The following NOP2 variants were observed in gnomAD, a reference collection of about 807,000 sequenced individuals.
The protein encoded by NOP2 is 28S rRNA (cytosine(4447)-C(5))-methyltransferase.
NOP2 carries 7 observed loss-of-function variants against 72.7 expected under a neutral mutation model. That is an observed-to-expected ratio of 0.10 (90% CI 0.05 to 0.18). NOP2 has a LOEUF of 0.18. NOP2 is among the 10% of genes least tolerant of loss of function. The pLI is 1.00. For missense variants in NOP2, 954 were observed against 1,014.7 expected, an observed-to-expected ratio of 0.94 and a Z score of 0.81; for synonymous variants, 387 against 388.0, an observed-to-expected ratio of 1.00 and a Z score of 0.03.
chr12:6,568,231 G>A lies in NOP2; in HGVS notation c.-29C>T, dbSNP rs1006289023. 16 of 291,866 alleles carry A rather than the reference G, an allele frequency of 5.5e-5. No homozygotes were observed. Among genetic ancestry groups the A allele is most frequent in the Non-Finnish European group, 1.0e-4 (16 of 155,464 alleles). The allele number at this position is 291,866 out of a possible 1,614,324, so 18.1% of individuals were successfully genotyped here. A position where few individuals can be genotyped will look rare whatever the true frequency, so the allele number is the denominator to read the frequency against. ...CCAGAATGCGGGTTAATGTCCGAGA[G>A]TGCCCTTCGGGCGGCCCTCCACGTG... On this transcript the variant is annotated 5_prime_UTR_variant, in exon 1 of 16. Coordinates refer to ENST00000322166, the MANE Select transcript of NOP2 (RefSeq NM_001258308.2).
chr12:6,566,489 G>A (rs760399840), intron 4 of NOP2, 40 bp downstream of exon 4: 17 of 1,589,808 alleles, frequency 1.1e-5, no homozygotes, highest in Non-Finnish European at 1.4e-5. Flanking sequence ...AGGACCCAAA[G>A]GGACTCCTCA....
chr12:6,568,147 C>A (rs1947837681), intron 1 of NOP2, 60 bp downstream of exon 1: 1 of 572,074 alleles, frequency 1.7e-6, no homozygotes, highest in East Asian at 3.0e-5. Context: ...ACCCTTCTCC[C>A]CACGTCCCAG....
At position 6,566,150 on chromosome 12, in the gene NOP2, T is replaced by C; in HGVS notation, c.425A>G (p.Asp142Gly). The change falls in exon 5 of 16, where the codon GAT (aspartate) becomes GGT (glycine). Residue 142 changes from aspartate to glycine, a missense_variant. By Grantham distance (94) the Asp-to-Gly change is moderately conservative. This residue lies in a region of NOP2 where 498 missense variants were observed against 478.3 expected (regional missense o/e 1.04). Transcript: ENST00000322166. ...WGSEDDADTV[D>G]DYGADSNSED... ...AGAGTTGGAGTCAGCTCCATAGTCA[T>C]CTACCGTATCAGCATCGTCCTCGGA... 2 of 1,613,980 alleles carry C rather than the reference T, an allele frequency of 1.2e-6. No homozygotes were observed. The highest frequency in any genetic ancestry group is 8.5e-7 in the Non-Finnish European group (1 of 1,179,860).
intron 7 of NOP2, 21 bp from the exon 8 acceptor site, chr12:6,563,535 T>C (rs542374920): frequency 6.2e-7 from 1 of 1,611,984 alleles, no homozygotes; most frequent in Non-Finnish European, 8.5e-7. Flanking sequence ...TAAGGAACTG[T>C]GTCATGATGT....
In NOP2 at chr12:6,557,476, GC is replaced by G; in HGVS notation, c.1955del (p.Gly652AlafsTer43). The stretch of plus-strand genomic sequence containing the variant: ...ATTCTGAGTCTGCCCCTTTGGAGAT[GC>G]CATTCAGCTTCTGGAAGGAGGCCTT... ...PKKASFQKLN[G>X]ISKGADSELS... is the part of the protein sequence containing the mutation. On this transcript the variant is annotated frameshift_variant, in exon 16 of 16. Coordinates refer to ENST00000322166, the MANE Select transcript of NOP2 (RefSeq NM_001258308.2). LOFTEE classifies it low-confidence loss of function (END_TRUNC). 6.2e-7 allele frequency: 1 copy of G among 1,613,998 alleles called. No individual in the cohort carries two copies. The highest frequency in any genetic ancestry group is 8.5e-7 in the Non-Finnish European group (1 of 1,179,902).
At chr12:6,557,713 A>T (rs2136165335) in intron 15 of NOP2, 71 bp from the exon 16 acceptor site, 8 of 1,439,620 alleles carry the variant, frequency 5.6e-6, no homozygotes, top group African/African-American at 1.4e-5. Flanking sequence ...TCTCATATTA[A>T]AATATGAGAA....
At chr12:6,563,227 A>T in intron 8 of NOP2, 57 bp from the exon 9 acceptor site, 1 of 1,548,488 alleles carries the variant, frequency 6.5e-7, no homozygotes, top group Non-Finnish European at 8.7e-7. Flanking sequence ...CAGTCAGAAG[A>T]GGGGAGCAAG....
intron 9 of NOP2, 127 bp downstream of exon 9, chr12:6,562,954 T>C: frequency 1.1e-6 from 1 of 906,472 alleles, no homozygotes; most frequent in Non-Finnish European, 1.8e-6. Context: ...GGCCTCTGGG[T>C]TTGCCCCCCC....
chr12:6,565,961 T>C, intron 5 of NOP2, 140 bp downstream of exon 5: 2 of 673,490 alleles, frequency 3.0e-6, no homozygotes, highest in East Asian at 5.5e-5. Flanking sequence ...TATAAGGCAG[T>C]AGGGAAACAG....
chr12:6,556,946 C>G lies in NOP2; in HGVS notation c.*47G>C. On this transcript the variant is annotated 3_prime_UTR_variant, in exon 16 of 16. Transcript: ENST00000322166. ...GGCATCCTCACAGAGGCAAGAGTTC[C>G]AACCTGGTGACAATGGCAGTGAGCC... is the stretch of plus-strand genomic sequence containing the variant. 6.2e-7 allele frequency: 1 copy of G among 1,607,120 alleles called. No individual in the cohort carries two copies. The highest frequency in any genetic ancestry group is 8.5e-7 in the Non-Finnish European group (1 of 1,176,942).
intron 2 of NOP2, 74 bp from the exon 3 acceptor site, chr12:6,566,896 T>G: frequency 8.0e-7 from 1 of 1,242,756 alleles, no homozygotes; most frequent in Non-Finnish European, 1.2e-6. Context: ...GAAATAAACA[T>G]GGTAAGAGAA....
At position 6,560,095 on chromosome 12, in the gene NOP2, T is replaced by A; in HGVS notation, c.1789+3A>T. The stretch of plus-strand genomic sequence containing the variant: ...TGACGAAGGGAAGAAAAAGATTACT[T>A]ACCTGTCTGGGACTGAGGGATAGAA... On this transcript the variant is annotated splice_donor_region_variant and intron_variant, in intron 15 of 15. Coordinates refer to ENST00000322166, the MANE Select transcript of NOP2 (RefSeq NM_001258308.2). The surrounding 1 kb of genome is among the most constrained non-coding windows in gnomAD (Gnocchi z 5.0). 1 of 1,604,688 alleles carries A rather than the reference T, an allele frequency of 6.2e-7. No homozygotes were observed. Among genetic ancestry groups the A allele is most frequent in the East Asian group, 2.2e-5 (1 of 44,832 alleles).
Position 6,566,206 on chromosome 12 carries a change from A to G in NOP2, c.369T>C (p.Asp123=). ...AGAGGTCCCCGTGGTTCACCATACC[A>G]TCTTCTTCAGAGTCTTCCTCCTCCT... ...EEEEEEDSEE[D]GMVNHGDLWG... The change falls in exon 5 of 16, where the codon GAT becomes GAC. Residue 123 remains aspartate, a synonymous_variant. Coordinates refer to ENST00000322166, the MANE Select transcript of NOP2 (RefSeq NM_001258308.2). 1 of 1,613,962 alleles carries G rather than the reference A, an allele frequency of 6.2e-7. No individual in the cohort carries two copies.
At chr12:6,558,984 A>C (rs1947578050) in intron 15 of NOP2, among the ~76,000 whole-genome samples, 1 of 151,422 alleles carries the variant, frequency 6.6e-6, no homozygotes, top group South Asian at 2.1e-4. Context: ...TTTGAGATGG[A>C]GTTTTGCTCG....
chr12:6,568,247 C>A lies in NOP2; in HGVS notation c.-45G>T, dbSNP rs1248516602. The A allele has an allele frequency of 4.0e-6, 1 of 252,786 alleles. No individual in the cohort carries two copies. Among genetic ancestry groups the A allele is most frequent in the Non-Finnish European group, 7.6e-6 (1 of 131,030 alleles). 15.7% of individuals were successfully genotyped at this position (252,786 alleles called of 1,614,324 possible). A position where few individuals can be genotyped will look rare whatever the true frequency, so the allele number is the denominator to read the frequency against. ...TGTCCGAGAGTGCCCTTCGGGCGGC[C>A]CTCCACGTGCAATCCGGACCTAGCT... On this transcript the variant is annotated 5_prime_UTR_variant, in exon 1 of 16. Transcript: ENST00000322166.
At chr12:6,562,822 A>G (rs1014133931) in intron 9 of NOP2, among the ~76,000 whole-genome samples, 13 of 151,978 alleles carry the variant, frequency 8.6e-5, no homozygotes, top group African/African-American at 2.4e-4. Context: ...TCTCCCTCCA[A>G]TTTCCTTGGG....
At position 6,560,014 on chromosome 12, in the gene NOP2, T is replaced by G; in HGVS notation, c.1789+84A>C. The G allele has an allele frequency of 1.0e-6, 1 of 1,001,204 alleles. No individual in the cohort carries two copies. The highest frequency in any genetic ancestry group is 1.5e-6 in the Non-Finnish European group (1 of 654,668). 62.0% of individuals were successfully genotyped at this position (1,001,204 alleles called of 1,614,324 possible). ...GTAAGGGATGCATGAATCTTTCCTT[T>G]CCCTTCCTCTTGTCACACCATAAAG... On this transcript the variant is annotated intron_variant, in intron 15 of 15. Transcript: ENST00000322166. The surrounding 1 kb of genome is among the most constrained non-coding windows in gnomAD (Gnocchi z 5.0).
rs1947621350 is a variant in NOP2 at position 6,560,672 on chromosome 12, C to G, written c.1437+26G>C. On this transcript the variant is annotated intron_variant, in intron 13 of 15. Transcript: ENST00000322166. This position sits in a 1 kb window ranked among gnomAD's most constrained non-coding sequence, Gnocchi z 5.0. ...TCTACGAGACCCAGCCAAGGCCTCT[C>G]AGGGGCCCACCACCTGACTCCTCAC... 1.2e-6 allele frequency: 2 copies of G among 1,612,906 alleles called. No individual in the cohort carries two copies. The highest frequency in any genetic ancestry group is 1.3e-5 in the African/African-American group (1 of 74,768).
intron 2 of NOP2, among the ~76,000 whole-genome samples, chr12:6,567,256 T>A (rs567907116): frequency 1.3e-5 from 2 of 152,192 alleles, no homozygotes; most frequent in African/African-American, 4.8e-5. Context: ...CTAAGATGAT[T>A]AAGCGATATA....
Sources: gnomAD v4.1 joint callset for allele counts (sites outside exome capture counted in the v4.1 genomes callset) on GRCh38, gnomAD v4.1.1 for gene constraint, gnomAD v4.1.1 regional missense constraint, Gnocchi (gnomAD v3.1) non-coding constraint, MANE v1.5 for transcripts, NCBI Gene and HGNC (gene_info 2026-07-23, HGNC 2026-07-21) for gene names.